Variants in GRAMD2B observed in about 807,000 individuals in gnomAD.
GRAMD2B encodes GRAM domain-containing protein 2B.
In GRAMD2B, 41 loss-of-function variants were observed where a neutral mutation model predicts 59.2. The ratio of observed to expected loss-of-function variants is 0.69; its 90% CI spans 0.54 to 0.90. The LOEUF is 0.90. Among genes scored for constraint, GRAMD2B ranks in the 40% least tolerant of loss-of-function variants. GRAMD2B has a pLI of 0.00. For missense variants in GRAMD2B, 424 were observed against 500.5 expected, an observed-to-expected ratio of 0.85 and a Z score of 1.46; for synonymous variants, 161 against 182.7, an observed-to-expected ratio of 0.88 and a Z score of 0.96.
chr5:126,432,066 C>A (rs919527441), intron 1 of GRAMD2B, among the ~76,000 whole-genome samples: 12 of 151,782 alleles, frequency 7.9e-5, no homozygotes, highest in Non-Finnish European at 1.2e-4. Context: ...GTAGCTGGGA[C>A]TACAGGCGTG....
chr5:126,435,852 T>C (rs1762324997), intron 1 of GRAMD2B, among the ~76,000 whole-genome samples: 1 of 152,342 alleles, frequency 6.6e-6, no homozygotes, highest in South Asian at 2.1e-4. Flanking sequence ...GGTAAACATA[T>C]ACCTGTTTAA....
rs1431477112 is a variant in GRAMD2B, at chr5:126,425,022, T to C, written c.83+1333T>C. ...GCCTTCCATGGCCTACTCTTAAAAA[T>C]AGGCTTCTCTGCCAAGATTTTAAGA... On this transcript the variant is annotated intron_variant, in intron 1 of 13. Transcript: ENST00000285689. Among the ~76,000 whole-genome samples, 3 of 152,224 alleles carry C rather than the reference T, an allele frequency of 2.0e-5. No individual in the cohort carries two copies. The East Asian group carries it at 5.8e-4, about 29-fold the overall frequency.
chr5:126,383,442 C>G (rs936533640), intron 1 of GRAMD2B, among the ~76,000 whole-genome samples: 1 of 152,120 alleles, frequency 6.6e-6, no homozygotes, highest in Admixed American at 6.5e-5. Context: ...TGAATGAGTG[C>G]TTATATATAG....
chr5:126,491,626 C>T (rs1038839355), intron 13 of GRAMD2B, among the ~76,000 whole-genome samples: 3 of 152,210 alleles, frequency 2.0e-5, no homozygotes, highest in African/African-American at 4.8e-5. Context: ...ACATCACAGA[C>T]TGTTCCTCTA....
chr5:126,367,069 C>G (rs1325027274), upstream of GRAMD2B, among the ~76,000 whole-genome samples: 1 of 151,906 alleles, frequency 6.6e-6, no homozygotes, highest in African/African-American at 2.4e-5. Flanking sequence ...GTTGGCCAGG[C>G]TGGTCTCGAA....
At chr5:126,366,677 A>G (rs1754450117), upstream of GRAMD2B, among the ~76,000 whole-genome samples, 1 of 152,134 alleles carries the variant, frequency 6.6e-6, no homozygotes, top group African/African-American at 2.4e-5. Context: ...ACCCTTTTCC[A>G]GGCAACCTGA....
chr5:126,381,539 A>T (rs748800545), intron 1 of GRAMD2B, among the ~76,000 whole-genome samples: 9 of 152,118 alleles, frequency 5.9e-5, no homozygotes, highest in Non-Finnish European at 1.3e-4. Flanking sequence ...ATTTGCATGG[A>T]ATATCTTTTT....
rs930186681 is a variant in GRAMD2B, at chr5:126,483,045, A to G, written c.736-418A>G. On this transcript the variant is annotated intron_variant, in intron 8 of 13. Transcript: ENST00000285689. ...TTTCCAATACTTTTTTAAAAAAATTATAAGTTAGTAATATCTTTCTCTCTG... is the reference window on the plus strand; with the variant it reads ...TTTCCAATACTTTTTTAAAAAAATTGTAAGTTAGTAATATCTTTCTCTCTG... 4.7e-5 allele frequency among the ~76,000 whole-genome samples: 7 copies of G among 147,746 alleles called. No individual in the cohort carries two copies. In the South Asian group the frequency reaches 6.4e-4, roughly 13 times the overall value.
chr5:126,446,383 C>T (rs1764234805), intron 1 of GRAMD2B, among the ~76,000 whole-genome samples: 1 of 152,006 alleles, frequency 6.6e-6, no homozygotes, highest in Admixed American at 6.6e-5. Context: ...ATAAAATGTT[C>T]ATAGTAAGTG....
chr5:126,407,734 G>A (rs1455673589), intron 1 of GRAMD2B, among the ~76,000 whole-genome samples: 1 of 151,958 alleles, frequency 6.6e-6, no homozygotes, highest in Non-Finnish European at 1.5e-5. Flanking sequence ...TTGCCATTAA[G>A]AGGGCTGATG....
At chr5:126,360,826 G>A (rs1440583651) in intron 1 of GRAMD2B, among the ~76,000 whole-genome samples, 5 of 152,174 alleles carry the variant, frequency 3.3e-5, no homozygotes, top group Non-Finnish European at 7.3e-5. Context: ...GACTCTATGT[G>A]TTCGGGAGAA....
chr5:126,396,204 G>T (rs1004128037), intron 1 of GRAMD2B, among the ~76,000 whole-genome samples: 1 of 151,954 alleles, frequency 6.6e-6, no homozygotes, highest in Non-Finnish European at 1.5e-5. Context: ...AAGTTCAGGG[G>T]TACATGTGTA....
upstream of GRAMD2B, chr5:126,423,299 A>G (rs906261192): frequency 1.6e-6 from 2 of 1,224,040 alleles, no homozygotes; most frequent in South Asian, 4.8e-5. Context: ...AGACTCGTTC[A>G]ACAGGTTTCC....
chr5:126,367,757 C>T (rs1372626465), upstream of GRAMD2B, among the ~76,000 whole-genome samples: 1 of 152,022 alleles, frequency 6.6e-6, no homozygotes, highest in East Asian at 1.9e-4. Context: ...CTTTTCTTTT[C>T]TTTTCTTTTT....
chr5:126,417,000 T>C (rs1175901883), intron 1 of GRAMD2B, among the ~76,000 whole-genome samples: 2 of 152,260 alleles, frequency 1.3e-5, no homozygotes, highest in African/African-American at 4.8e-5. Flanking sequence ...GTTTTACCTG[T>C]TTTGTTCACT....
chr5:126,483,035 T>A (rs570953012), intron 8 of GRAMD2B, among the ~76,000 whole-genome samples: 84 of 151,172 alleles, frequency 5.6e-4, no homozygotes, highest in African/African-American at 1.9e-3. Context: ...AATACTTTTT[T>A]AAAAAAATTA....
intron 13 of GRAMD2B, among the ~76,000 whole-genome samples, chr5:126,492,362 T>G (rs1341439859): frequency 6.6e-6 from 1 of 152,134 alleles, no homozygotes; most frequent in Non-Finnish European, 1.5e-5. Context: ...CAGTCTCTAC[T>G]GACATTTTCA....
At chr5:126,428,061 C>T (rs1020902013) in intron 1 of GRAMD2B, among the ~76,000 whole-genome samples, 2 of 152,008 alleles carry the variant, frequency 1.3e-5, no homozygotes, top group Non-Finnish European at 2.9e-5. Flanking sequence ...GGTGAAACCC[C>T]GTCTCTACTA....
chr5:126,424,736 C>T (rs1394556254), intron 1 of GRAMD2B, among the ~76,000 whole-genome samples: 1 of 152,208 alleles, frequency 6.6e-6, no homozygotes, highest in Non-Finnish European at 1.5e-5. Context: ...ATAATAGTAG[C>T]TGGCACTTAC....
Sources: gnomAD v4.1 joint callset for allele counts (sites outside exome capture counted in the v4.1 genomes callset) on GRCh38, gnomAD v4.1.1 for gene constraint, MANE v1.5 for transcripts, NCBI Gene and HGNC (gene_info 2026-07-23, HGNC 2026-07-21) for gene names.